The following EPHA4 variants were observed in gnomAD, a reference collection of about 807,000 sequenced individuals.
The protein encoded by EPHA4 is ephrin type-A receptor 4.
A neutral mutation model predicts 108.3 loss-of-function variants in EPHA4; 19 were observed. The observed-to-expected ratio is 0.18, with a 90% CI of 0.12 to 0.26. The LOEUF is 0.26. Ranked by LOEUF, EPHA4 falls within the 10% of genes least tolerant of loss-of-function variation. The probability of loss-of-function intolerance (pLI) is 1.00; values close to 1 mark genes in which losing one functional copy is unlikely to be tolerated. For missense variants in EPHA4, 917 were observed against 1,254.0 expected (o/e 0.73, Z 4.06); for synonymous variants, 449 against 455.5 (o/e 0.99, Z 0.18).
chr2:221,552,559 A>G (rs1490859531), intron 3 of EPHA4, among the ~76,000 whole-genome samples: 1 of 152,156 alleles, frequency 6.6e-6, no homozygotes, highest in East Asian at 1.9e-4. Flanking sequence ...AAAGGTATTG[A>G]TCCATTCTTT....
chr2:221,497,172 A>C (rs1003938493), intron 4 of EPHA4, among the ~76,000 whole-genome samples: 4 of 152,168 alleles, frequency 2.6e-5, no homozygotes, highest in South Asian at 4.1e-4. Flanking sequence ...GAAGAGAACA[A>C]ACATTGATTA....
At chr2:221,507,151 C>T (rs920231976) in intron 3 of EPHA4, among the ~76,000 whole-genome samples, 6 of 152,140 alleles carry the variant, frequency 3.9e-5, no homozygotes, top group Non-Finnish European at 7.3e-5. Flanking sequence ...AACTTGTCCA[C>T]GGGTCCTTTC....
intron 5 of EPHA4, among the ~76,000 whole-genome samples, chr2:221,475,032 G>A (rs191120764): frequency 7.2e-5 from 11 of 152,162 alleles, no homozygotes; most frequent in East Asian, 1.9e-4. Flanking sequence ...CACAACACCC[G>A]TCTAATTTTG....
chr2:221,420,040 A>C lies in EPHA4; in HGVS notation c.*1332T>G, dbSNP rs1689706093. 6.6e-6 allele frequency: 1 copy of C among 152,636 alleles called. No individual in the cohort carries two copies. The highest frequency in any genetic ancestry group is 2.1e-4 in the South Asian group (1 of 4,828). 9.5% of individuals were successfully genotyped at this position (152,636 alleles called of 1,614,324 possible). A position where few individuals can be genotyped will look rare whatever the true frequency, so the allele number is the denominator to read the frequency against. On this transcript the variant is annotated 3_prime_UTR_variant, in exon 18 of 18. Transcript: ENST00000281821. Reference sequence around the variant, plus strand: ...TTTAGTCTAAGAAAAAAATATATTTATATCACTGCAATGGCACACCCTGGG... The same window carrying C: ...TTTAGTCTAAGAAAAAAATATATTTCTATCACTGCAATGGCACACCCTGGG...
chr2:221,560,183 C>T (rs1236449940), intron 3 of EPHA4, among the ~76,000 whole-genome samples: 1 of 149,986 alleles, frequency 6.7e-6, no homozygotes, highest in African/African-American at 2.4e-5. Flanking sequence ...CCTCTGACCT[C>T]CCGGACCCCA....
chr2:221,492,932 C>T (rs1301778852), intron 4 of EPHA4, among the ~76,000 whole-genome samples: 2 of 152,186 alleles, frequency 1.3e-5, no homozygotes, highest in African/African-American at 4.8e-5. Flanking sequence ...TGATAAATGA[C>T]ATGGAATGAG....
chr2:221,490,401 T>C (rs1476025261), intron 4 of EPHA4, among the ~76,000 whole-genome samples: 1 of 152,184 alleles, frequency 6.6e-6, no homozygotes, highest in East Asian at 1.9e-4. Context: ...TTAACTGATT[T>C]TTAATCGCCA....
At chr2:221,557,150 A>G (rs1028820274) in intron 3 of EPHA4, among the ~76,000 whole-genome samples, 2 of 152,200 alleles carry the variant, frequency 1.3e-5, no homozygotes, top group Non-Finnish European at 2.9e-5. Flanking sequence ...GGTCTTGGGG[A>G]ACATAGCTGG....
chr2:221,419,127 A>G lies in EPHA4; in HGVS notation c.*2245T>C, dbSNP rs1689672039. The G allele has an allele frequency of 6.6e-6, 1 of 152,606 alleles. No individual in the cohort carries two copies. The highest frequency in any genetic ancestry group is 6.5e-5 in the Admixed American group (1 of 15,276). The allele number at this position is 152,606 out of a possible 1,614,324, so 9.5% of individuals were successfully genotyped here. Reference sequence around the variant, plus strand: ...ACGGTTTCTGCAACCACAGCTTAGGATAAGCAAGGCAGCCACTCAGATTAT... The same window carrying G: ...ACGGTTTCTGCAACCACAGCTTAGGGTAAGCAAGGCAGCCACTCAGATTAT... On this transcript the variant is annotated 3_prime_UTR_variant, in exon 18 of 18. Coordinates refer to ENST00000281821, the MANE Select transcript of EPHA4 (RefSeq NM_004438.5).
chr2:221,523,511 T>G (rs1221180425), intron 3 of EPHA4, among the ~76,000 whole-genome samples: 1 of 152,132 alleles, frequency 6.6e-6, no homozygotes, highest in African/African-American at 2.4e-5. Context: ...GGTCTTGAAC[T>G]CCCAACCTCA....
intron 3 of EPHA4, among the ~76,000 whole-genome samples, chr2:221,517,127 A>G (rs1052695996): frequency 2.6e-5 from 4 of 152,208 alleles, no homozygotes; most frequent in Admixed American, 2.0e-4. Flanking sequence ...AGAACTGTAC[A>G]GGAGAATAAA....
chr2:221,433,015 G>A (rs988828057), intron 14 of EPHA4, among the ~76,000 whole-genome samples: 3 of 151,686 alleles, frequency 2.0e-5, no homozygotes, highest in African/African-American at 4.8e-5. Flanking sequence ...TAGTAGAGAC[G>A]GGGTTTCACC....
intron 11 of EPHA4, among the ~76,000 whole-genome samples, chr2:221,438,279 G>A (rs1690309926): frequency 6.6e-6 from 1 of 151,910 alleles, no homozygotes. Context: ...GAGGACTTTA[G>A]GACATAAGAA....
At chr2:221,558,318 G>T (rs555839716) in intron 3 of EPHA4, among the ~76,000 whole-genome samples, 3 of 152,108 alleles carry the variant, frequency 2.0e-5, no homozygotes, top group Non-Finnish European at 4.4e-5. Context: ...GTGTGTGTGT[G>T]TGTGGGCAGG....
chr2:221,562,943 G>T (rs1337465177), intron 3 of EPHA4, among the ~76,000 whole-genome samples: 1 of 152,066 alleles, frequency 6.6e-6, no homozygotes, highest in East Asian at 1.9e-4. Flanking sequence ...TTAGTAATAT[G>T]GTAAGTAGTA....
At chr2:221,563,611 T>A in intron 3 of EPHA4, 120 bp downstream of exon 3, 1 of 1,192,480 alleles carries the variant, frequency 8.4e-7, no homozygotes. Flanking sequence ...ATTAGACCCC[T>A]GTGTCCCACC....
At chr2:221,507,187 A>G (rs983796524) in intron 3 of EPHA4, among the ~76,000 whole-genome samples, 1 of 152,044 alleles carries the variant, frequency 6.6e-6, no homozygotes, top group African/African-American at 2.4e-5. Flanking sequence ...TTGAGCCTCT[A>G]CTCCATGGTT....
rs1692437964 is a variant in EPHA4, at chr2:221,499,798, C to T, written c.979+1219G>A. Among the ~76,000 whole-genome samples the T allele has an allele frequency of 5.2e-5, 6 of 114,896 alleles. No individual in the cohort carries two copies. In the Admixed American group the frequency reaches 6.7e-4, roughly 13 times the overall value. The allele number at this position is 114,896 out of a possible 152,430, so 75.4% of individuals were successfully genotyped here. On this transcript the variant is annotated intron_variant, in intron 4 of 17. Transcript: ENST00000281821. ...TTGAGACAGAGTTTTGCTATTGTCA[C>T]CCAGGCTGGAATGTAATGGTGCGAT...
intron 5 of EPHA4, among the ~76,000 whole-genome samples, chr2:221,470,809 C>T (rs972944): frequency 0.79 from 119,924 of 151,978 alleles, 47,421 homozygotes; most frequent in East Asian, 0.87. Flanking sequence ...CCACATGCTA[C>T]GCTCTCTGAA....
Sources: gnomAD v4.1 joint callset for allele counts (sites outside exome capture counted in the v4.1 genomes callset) on GRCh38, gnomAD v4.1.1 for gene constraint, MANE v1.5 for transcripts, NCBI Gene and HGNC (gene_info 2026-07-23, HGNC 2026-07-21) for gene names.